The following TTC29 variants were observed in gnomAD, a reference collection of about 807,000 sequenced individuals.
The protein encoded by TTC29 is tetratricopeptide repeat domain 29, also known as tetratricopeptide repeat protein 29.
TTC29 carries 49 observed loss-of-function variants against 58.1 expected under a neutral mutation model. The observed-to-expected ratio is 0.84, with a 90% CI of 0.67 to 1.07. The LOEUF (loss-of-function observed/expected upper bound fraction) is 1.07. Ranked by LOEUF, TTC29 falls within the 50% of genes least tolerant of loss-of-function variation. The pLI, the probability that TTC29 is intolerant of heterozygous loss-of-function variation, is 0.00. For missense variants in TTC29, 582 were observed against 555.6 expected, an observed-to-expected ratio of 1.05 and a Z score of -0.48; for synonymous variants, 209 against 196.8, an observed-to-expected ratio of 1.06 and a Z score of -0.52.
intron 11 of TTC29, among the ~76,000 whole-genome samples, chr4:146,753,825 G>C (rs900677948): frequency 6.6e-6 from 1 of 150,890 alleles, no homozygotes; most frequent in Non-Finnish European, 1.5e-5. Context: ...GACACTGCAT[G>C]TTTTCACTCA....
rs79942335 is a variant in TTC29 at position 146,879,027 on chromosome 4, T to C, written c.587-4099A>G. 7.2e-3 allele frequency among the ~76,000 whole-genome samples: 1,101 copies of C among 152,218 alleles called. 15 individuals carry two copies. Among genetic ancestry groups the C allele is most frequent in the African/African-American group, 0.025 (1,053 of 41,546 alleles). The stretch of plus-strand genomic sequence containing the variant: ...GGGTCCTGATTAGTAGTATTTTAAA[T>C]GGAGGTCCCTACTACACAGAAGCAG... On this transcript the variant is annotated intron_variant, in intron 6 of 12. Transcript: ENST00000325106.
intron 2 of TTC29, among the ~76,000 whole-genome samples, chr4:146,944,752 C>T (rs1736763910): frequency 6.6e-6 from 1 of 151,940 alleles, no homozygotes; most frequent in Non-Finnish European, 1.5e-5. Flanking sequence ...TATCCAAGCT[C>T]TTTTACTATG....
rs568029661 is a variant in TTC29, at chr4:146,839,329, C to G, written c.886-5432G>C. On this transcript the variant is annotated intron_variant, in intron 8 of 12. Coordinates refer to ENST00000325106, the MANE Select transcript of TTC29 (RefSeq NM_031956.4). The stretch of plus-strand genomic sequence containing the variant: ...ATAATCATTTATTGTATACCTAAAA[C>G]TAGCTAAAAGATTTGTAATGTTCCC... Among the ~76,000 whole-genome samples the G allele has an allele frequency of 2.0e-5, 3 of 152,012 alleles. No individual in the cohort carries two copies. In the East Asian group the frequency reaches 5.8e-4, roughly 29 times the overall value.
chr4:146,725,168 G>T lies in TTC29; in HGVS notation c.1331-17617C>A, dbSNP rs566194613. On this transcript the variant is annotated intron_variant, in intron 11 of 12. Transcript: ENST00000325106. ...AAACCAAACATATTTTTCCTGGAAA[G>T]GCATTATATAAACTATACTTCAGTG... Among the ~76,000 whole-genome samples, 8 of 152,234 alleles carry T rather than the reference G, an allele frequency of 5.3e-5. No individual in the cohort carries two copies. The South Asian group carries it at 1.7e-3, about 32-fold the overall frequency.
At chr4:146,797,660 G>A (rs1561133975) in intron 11 of TTC29, among the ~76,000 whole-genome samples, 2 of 150,906 alleles carry the variant, frequency 1.3e-5, no homozygotes, top group South Asian at 2.1e-4. Context: ...ACCTCACCCT[G>A]GCTGCTTTAA....
chr4:146,810,780 C>T (rs949431793), intron 10 of TTC29, among the ~76,000 whole-genome samples: 2 of 151,846 alleles, frequency 1.3e-5, no homozygotes, highest in African/African-American at 4.8e-5. Flanking sequence ...TTGGTAGAGA[C>T]AGGGTTTTAT....
chr4:146,714,382 A>T (rs1006946332), intron 11 of TTC29, among the ~76,000 whole-genome samples: 3 of 152,154 alleles, frequency 2.0e-5, no homozygotes, highest in African/African-American at 7.2e-5. Context: ...AAAGAAAGAG[A>T]GTCAAAAAGA....
intron 7 of TTC29, among the ~76,000 whole-genome samples, chr4:146,873,632 T>A (rs1453147913): frequency 6.6e-6 from 1 of 152,192 alleles, no homozygotes; most frequent in African/African-American, 2.4e-5. Flanking sequence ...GCTGCTGAAA[T>A]TGATATAAGA....
chr4:146,920,857 T>C (rs1269506728), intron 4 of TTC29, among the ~76,000 whole-genome samples: 3 of 151,348 alleles, frequency 2.0e-5, no homozygotes, highest in East Asian at 3.9e-4. Flanking sequence ...AGAAATACCT[T>C]AAGAGAAATG....
chr4:146,921,452 A>G (rs1033875588), intron 4 of TTC29, among the ~76,000 whole-genome samples: 7 of 151,428 alleles, frequency 4.6e-5, no homozygotes, highest in African/African-American at 1.7e-4. Flanking sequence ...TAGTAGGCGG[A>G]GAACAAGAAT....
At chr4:146,829,934 T>C (rs949155728) in intron 9 of TTC29, among the ~76,000 whole-genome samples, 13 of 152,188 alleles carry the variant, frequency 8.5e-5, no homozygotes, top group African/African-American at 3.1e-4. Context: ...GTAAATGAAC[T>C]ACACTTCAGT....
intron 4 of TTC29, among the ~76,000 whole-genome samples, chr4:146,927,590 T>C (rs1024647821): frequency 6.6e-6 from 1 of 152,198 alleles, no homozygotes; most frequent in African/African-American, 2.4e-5. Context: ...CATACGTACA[T>C]AGTATATACA....
At chr4:146,821,212 G>A (rs574599955) in intron 9 of TTC29, among the ~76,000 whole-genome samples, 1 of 152,288 alleles carries the variant, frequency 6.6e-6, no homozygotes, top group African/African-American at 2.4e-5. Context: ...GAGGAAAGTG[G>A]AGGATTGAGA....
chr4:146,812,672 C>G (rs1398444696), intron 10 of TTC29: 1 of 152,120 alleles, frequency 6.6e-6, no homozygotes, highest in African/African-American at 2.4e-5. Context: ...ATAAACCTAC[C>G]AGTTTTTCTA....
chr4:146,837,574 C>T (rs923755260), intron 8 of TTC29, among the ~76,000 whole-genome samples: 1 of 151,968 alleles, frequency 6.6e-6, no homozygotes, highest in South Asian at 2.1e-4. Flanking sequence ...TAAGGTATAA[C>T]CTACAAATTA....
At chr4:146,924,986 T>C (rs1256981349) in intron 4 of TTC29, among the ~76,000 whole-genome samples, 1 of 152,072 alleles carries the variant, frequency 6.6e-6, no homozygotes, top group East Asian at 1.9e-4. Context: ...TTTAGAAGTA[T>C]GTTGTCTTGC....
chr4:146,845,815 A>C (rs1266872994), intron 8 of TTC29, among the ~76,000 whole-genome samples: 1 of 134,386 alleles, frequency 7.4e-6, no homozygotes, highest in African/African-American at 2.9e-5. Context: ...TTGTACACAC[A>C]ATCACACACA....
intron 11 of TTC29, among the ~76,000 whole-genome samples, chr4:146,782,309 ATTAT>A (rs1447310029): frequency 6.6e-6 from 1 of 151,670 alleles, no homozygotes; most frequent in Non-Finnish European, 1.5e-5. Context: ...TATTTAGTGT[ATTAT>A]TTAATATATA....
intron 11 of TTC29, among the ~76,000 whole-genome samples, chr4:146,773,129 A>C (rs893662013): frequency 1.3e-5 from 2 of 152,106 alleles, no homozygotes; most frequent in Non-Finnish European, 2.9e-5. Flanking sequence ...GGCAGAGACT[A>C]TGGGTTTTCC....
Sources: gnomAD v4.1 joint callset for allele counts (sites outside exome capture counted in the v4.1 genomes callset) on GRCh38, gnomAD v4.1.1 for gene constraint, MANE v1.5 for transcripts, NCBI Gene and HGNC (gene_info 2026-07-23, HGNC 2026-07-21) for gene names.